PHLPP1: variants seen among roughly 807,000 people sequenced by gnomAD.
PHLPP1 encodes PH domain and leucine rich repeat protein phosphatase 1.
PHLPP1 carries 42 observed loss-of-function variants against 117.2 expected under a neutral mutation model. The ratio of observed to expected loss-of-function variants is 0.36; its 90% confidence interval spans 0.28 to 0.46. The LOEUF (loss-of-function observed/expected upper bound fraction) is 0.46. Ranked by LOEUF, PHLPP1 falls within the 20% of genes least tolerant of loss-of-function variation. The pLI is 1.00. For synonymous variants in PHLPP1, 1,042 were observed against 970.7 expected, an observed-to-expected ratio of 1.07 and a Z score of -1.37; for missense variants, 2,084 against 2,241.9, an observed-to-expected ratio of 0.93 and a Z score of 1.42.
intron 14 of PHLPP1, among the ~76,000 whole-genome samples, chr18:62,968,723 G>A (rs139506035): frequency 6.6e-6 from 1 of 151,754 alleles, no homozygotes; most frequent in East Asian, 1.9e-4. Flanking sequence ...ATTTTTAGTA[G>A]AGACGGAGTT....
At chr18:62,747,049 T>C (rs969368375) in intron 1 of PHLPP1, among the ~76,000 whole-genome samples, 6 of 152,164 alleles carry the variant, frequency 3.9e-5, no homozygotes, top group Non-Finnish European at 7.3e-5. Flanking sequence ...ATGTCTCCTT[T>C]TTAGTTCCTT....
At chr18:62,962,087 G>C (rs1045268496) in intron 13 of PHLPP1, among the ~76,000 whole-genome samples, 1 of 152,138 alleles carries the variant, frequency 6.6e-6, no homozygotes, top group African/African-American at 2.4e-5. Flanking sequence ...GTTGTCAGCA[G>C]ATAATACATA....
intron 1 of PHLPP1, among the ~76,000 whole-genome samples, chr18:62,732,600 A>G (rs1911257537): frequency 6.6e-6 from 1 of 152,222 alleles, no homozygotes; most frequent in East Asian, 1.9e-4. Context: ...ATCAAGGAGT[A>G]ATTTTGAATT....
At chr18:62,719,721 G>A (rs536032541) in intron 1 of PHLPP1, among the ~76,000 whole-genome samples, 13 of 152,162 alleles carry the variant, frequency 8.5e-5, no homozygotes, top group East Asian at 1.9e-4. Context: ...TTTTGTTTAC[G>A]TATAGTTGGG....
intron 3 of PHLPP1, among the ~76,000 whole-genome samples, chr18:62,850,653 C>A (rs1203777393): frequency 6.6e-6 from 1 of 152,062 alleles, no homozygotes; most frequent in Non-Finnish European, 1.5e-5. Context: ...GATCTCCACC[C>A]AAGTTGAACT....
At chr18:62,735,487 T>C (rs929605046) in intron 1 of PHLPP1, among the ~76,000 whole-genome samples, 49 of 152,126 alleles carry the variant, frequency 3.2e-4, no homozygotes, top group African/African-American at 1.0e-3. Context: ...AATTGGCTTG[T>C]AGCCATTAGA....
chr18:62,850,250 T>C (rs982938238), intron 3 of PHLPP1, among the ~76,000 whole-genome samples: 11 of 151,714 alleles, frequency 7.3e-5, no homozygotes, highest in African/African-American at 2.7e-4. Context: ...TAGCTGGGTG[T>C]GGTGGCAGGC....
In PHLPP1 at chr18:62,979,471, A is replaced by G; in HGVS notation, c.*40A>G. The G allele has an allele frequency of 6.5e-7, 1 of 1,532,668 alleles. No homozygotes were observed. The allele number at this position is 1,532,668 out of a possible 1,614,324, so 94.9% of individuals were successfully genotyped here. A position where few individuals can be genotyped will look rare whatever the true frequency, so the allele number is the denominator to read the frequency against. ...TTAACAAATAAACTAACCACAAAAG[A>G]CTGAGTTGCAAGAGTCTCCCAGGCT... On this transcript the variant is annotated 3_prime_UTR_variant, in exon 17 of 17. Transcript: ENST00000262719.
rs117652141 is a variant in PHLPP1, at chr18:62,902,664, T to G, written c.2445-300T>G. 7.1e-3 allele frequency among the ~76,000 whole-genome samples: 1,078 copies of G among 152,324 alleles called. 6 individuals are homozygous for G. The highest frequency in any genetic ancestry group is 0.011 in the Non-Finnish European group (773 of 68,024). ...AGTTCTTTGGAAGTCAGTGCTTAAGTGGAATTTTTTTCCCTCTTGAAGTGA... is the reference window on the plus strand; with the variant it reads ...AGTTCTTTGGAAGTCAGTGCTTAAGGGGAATTTTTTTCCCTCTTGAAGTGA... On this transcript the variant is annotated intron_variant, in intron 6 of 16. Coordinates refer to ENST00000262719, the MANE Select transcript of PHLPP1 (RefSeq NM_194449.4).
intron 10 of PHLPP1, among the ~76,000 whole-genome samples, chr18:62,934,234 A>G (rs1020046795): frequency 2.6e-5 from 4 of 152,192 alleles, no homozygotes; most frequent in African/African-American, 9.6e-5. Flanking sequence ...CCCAAAGGAA[A>G]AGAAATCATT....
chr18:62,918,768 A>G (rs1284222786), intron 9 of PHLPP1, among the ~76,000 whole-genome samples: 2 of 152,100 alleles, frequency 1.3e-5, no homozygotes, highest in South Asian at 2.1e-4. Context: ...CAAGAGACCT[A>G]TTGCGCAGCA....
At chr18:62,894,597 A>G (rs1049881740) in intron 4 of PHLPP1, among the ~76,000 whole-genome samples, 8 of 152,248 alleles carry the variant, frequency 5.3e-5, no homozygotes, top group Non-Finnish European at 1.5e-5. Context: ...TTTGAGAAAC[A>G]TGAAACAGGA....
intron 8 of PHLPP1, among the ~76,000 whole-genome samples, chr18:62,913,240 G>C (rs1397617329): frequency 6.6e-6 from 1 of 151,702 alleles, no homozygotes; most frequent in East Asian, 1.9e-4. Flanking sequence ...TGTTGGGGTT[G>C]TTTTTACTAA....
intron 10 of PHLPP1, among the ~76,000 whole-genome samples, chr18:62,931,204 AAAAC>A (rs904805782): frequency 7.3e-5 from 9 of 123,674 alleles, no homozygotes; most frequent in Admixed American, 4.1e-4. Context: ...CTAAAAAAAA[AAAAC>A]AACAACAACA....
intron 4 of PHLPP1, among the ~76,000 whole-genome samples, chr18:62,861,547 T>G (rs1915634060): frequency 6.6e-6 from 1 of 152,348 alleles, no homozygotes; most frequent in East Asian, 1.9e-4. Context: ...CTTTGATACT[T>G]ATATATTTGT....
Position 62,716,709 on chromosome 18 carries a change from T to C in PHLPP1, c.1026T>C (p.Pro342=). 3 of 1,492,006 alleles carry C rather than the reference T, an allele frequency of 2.0e-6. No individual in the cohort carries two copies. Among genetic ancestry groups the C allele is most frequent in the Admixed American group, 2.2e-5 (1 of 46,296 alleles). 92.4% of individuals were successfully genotyped at this position (1,492,006 alleles called of 1,614,324 possible). Residue 342 remains proline (P), a synonymous_variant, in exon 1 of 17, where the codon CCT becomes CCC. Coordinates refer to ENST00000262719, the MANE Select transcript of PHLPP1 (RefSeq NM_194449.4). The surrounding 1 kb of genome is among the most constrained non-coding windows in gnomAD (Gnocchi z 5.7). ...GPVSSPRAPR[P]VVSDTESFSL... ...TCTCTTCGCCCCGCGCCCCACGGCC[T>C]GTGGTCTCCGACACCGAGAGCTTCA...
At chr18:62,864,297 C>T (rs2144365622) in intron 4 of PHLPP1, among the ~76,000 whole-genome samples, 1 of 152,328 alleles carries the variant, frequency 6.6e-6, no homozygotes, top group South Asian at 2.1e-4. Flanking sequence ...ACTGGGATTA[C>T]AGACGTGAGC....
chr18:62,965,466 T>TC (rs1301873527), intron 14 of PHLPP1, among the ~76,000 whole-genome samples: 1 of 146,328 alleles, frequency 6.8e-6, no homozygotes, highest in Non-Finnish European at 1.5e-5. Context: ...TTTTTTTTTT[T>TC]TTTTTTTTTT....
chr18:62,966,267 AT>A (rs763802382), intron 14 of PHLPP1, among the ~76,000 whole-genome samples: 1 of 152,162 alleles, frequency 6.6e-6, no homozygotes. Flanking sequence ...AATATTATTA[AT>A]GATAATGGTC....
Sources: gnomAD v4.1 joint callset for allele counts (sites outside exome capture counted in the v4.1 genomes callset) on GRCh38, gnomAD v4.1.1 for gene constraint, Gnocchi (gnomAD v3.1) non-coding constraint, MANE v1.5 for transcripts, NCBI Gene and HGNC (gene_info 2026-07-23, HGNC 2026-07-21) for gene names.